RALGAPA1: variants seen among roughly 807,000 people sequenced by gnomAD.
RALGAPA1 encodes ral GTPase-activating protein subunit alpha-1.
In RALGAPA1, 52 loss-of-function variants were observed where a neutral mutation model predicts 269.6. That is an observed-to-expected ratio of 0.19 (90% CI 0.15 to 0.24). The LOEUF is 0.24. Ranked by LOEUF, RALGAPA1 falls within the 10% of genes least tolerant of loss-of-function variation. The pLI is 1.00. For synonymous variants in RALGAPA1, 817 were observed against 1,008.3 expected (o/e 0.81, Z 3.60); for missense variants, 1,917 against 3,013.9 (o/e 0.64, Z 8.52).
chr14:35,665,602 C>T (rs903798068), intron 26 of RALGAPA1, among the ~76,000 whole-genome samples: 15 of 152,182 alleles, frequency 9.9e-5, no homozygotes, highest in African/African-American at 3.6e-4. Flanking sequence ...TGGTGTAATA[C>T]TCTATTATAT....
In RALGAPA1 at chr14:35,808,887, C is replaced by G; in HGVS notation, c.-52G>C. 1 of 1,576,276 alleles carries G rather than the reference C, an allele frequency of 6.3e-7. No individual in the cohort carries two copies. Among genetic ancestry groups the G allele is most frequent in the Non-Finnish European group, 8.6e-7 (1 of 1,161,488 alleles). ...TGCCACAGCCGGCTCCCAGCCGGGT[C>G]CCGGCGGCAGAAAGTGGAGGGAGTG... On this transcript the variant is annotated 5_prime_UTR_variant, in exon 1 of 42. Coordinates refer to ENST00000680220, the MANE Select transcript of RALGAPA1 (RefSeq NM_001346249.2).
intron 35 of RALGAPA1, among the ~76,000 whole-genome samples, chr14:35,614,585 T>C (rs950800700): frequency 6.6e-6 from 1 of 152,106 alleles, no homozygotes; most frequent in African/African-American, 2.4e-5. Flanking sequence ...GGGTAATGGA[T>C]ACCAGGTTTC....
At chr14:35,764,435 T>C (rs1284842129) in intron 4 of RALGAPA1, among the ~76,000 whole-genome samples, 1 of 152,216 alleles carries the variant, frequency 6.6e-6, no homozygotes, top group African/African-American at 2.4e-5. Context: ...TTACTAATTC[T>C]GTGTCTATTT....
At chr14:35,556,164 TA>T (rs1486781040) in intron 39 of RALGAPA1, among the ~76,000 whole-genome samples, 1 of 152,022 alleles carries the variant, frequency 6.6e-6, no homozygotes, top group Non-Finnish European at 1.5e-5. Flanking sequence ...GAATGAAAAA[TA>T]AGAATTTTAT....
In RALGAPA1 at chr14:35,570,719, T is replaced by C. The variant is rs1441624230; in HGVS notation, c.7394A>G (p.Asp2465Gly). The change falls in exon 39 of 42, where the codon GAT (aspartate) becomes GGT (glycine). Residue 2465 changes from aspartate to glycine, a missense_variant. By Grantham distance (94) the Asp-to-Gly change is moderately conservative. Coordinates refer to ENST00000680220, the MANE Select transcript of RALGAPA1 (RefSeq NM_001346249.2). ...PEVPFFGPLF[D>G]GAIVNGKVLP... Reference sequence around the variant, plus strand: ...AACCTTTCCATTCACAATAGCACCATCAAAAAGGGGACCAAAGAAGGGAAC... The same window carrying C: ...AACCTTTCCATTCACAATAGCACCACCAAAAAGGGGACCAAAGAAGGGAAC... 6.2e-7 allele frequency: 1 copy of C among 1,601,060 alleles called. No individual in the cohort carries two copies. The highest frequency in any genetic ancestry group is 1.1e-5 in the South Asian group (1 of 88,226).
chr14:35,629,656 C>T (rs1409460031), intron 33 of RALGAPA1, among the ~76,000 whole-genome samples: 6 of 152,040 alleles, frequency 3.9e-5, no homozygotes, highest in South Asian at 4.2e-4. Context: ...AGGCGCGCAC[C>T]GCCACGCCCA....
At chr14:35,702,744 T>A (rs1488654289) in intron 16 of RALGAPA1, among the ~76,000 whole-genome samples, 1 of 136,722 alleles carries the variant, frequency 7.3e-6, no homozygotes. Context: ...TATATATACA[T>A]TTTTTTTTTT....
intron 8 of RALGAPA1, 89 bp downstream of exon 8, chr14:35,751,935 G>A: frequency 6.7e-7 from 1 of 1,494,324 alleles, no homozygotes; most frequent in Non-Finnish European, 8.9e-7. Flanking sequence ...AATATGATCA[G>A]TTTCCTGCAG....
At chr14:35,650,947 T>G (rs973000764) in intron 31 of RALGAPA1, among the ~76,000 whole-genome samples, 4 of 151,766 alleles carry the variant, frequency 2.6e-5, no homozygotes, top group Non-Finnish European at 4.4e-5. Flanking sequence ...AACGAGGAAT[T>G]ACATTTTTCA....
intron 16 of RALGAPA1, among the ~76,000 whole-genome samples, chr14:35,702,707 C>T (rs768727005): frequency 9.0e-5 from 11 of 121,622 alleles, no homozygotes; most frequent in African/African-American, 1.8e-4. Context: ...GTTGTAATCA[C>T]CTTTAATTAA....
chr14:35,801,244 G>GACACACACAC (rs201700521), intron 1 of RALGAPA1, among the ~76,000 whole-genome samples: 292 of 135,094 alleles, frequency 2.2e-3, no homozygotes, highest in East Asian at 9.5e-3. Context: ...TATATACACA[G>GACACACACAC]ACACACACAC....
intron 1 of RALGAPA1, among the ~76,000 whole-genome samples, chr14:35,776,374 T>C (rs2075023929): frequency 6.7e-6 from 1 of 148,210 alleles, no homozygotes; most frequent in African/African-American, 2.5e-5. Context: ...AGAGTGAGAC[T>C]CCACCTTGGG....
chr14:35,744,408 T>C (rs938811841), intron 10 of RALGAPA1, among the ~76,000 whole-genome samples: 25 of 151,618 alleles, frequency 1.6e-4, no homozygotes, highest in African/African-American at 6.1e-4. Context: ...TTTTACTTTT[T>C]ATTTTTTTAT....
intron 1 of RALGAPA1, among the ~76,000 whole-genome samples, chr14:35,791,949 T>G (rs1003207088): frequency 6.9e-6 from 1 of 144,212 alleles, no homozygotes; most frequent in Non-Finnish European, 1.5e-5. Context: ...TTTGCAACAC[T>G]GTCACCTAAA....
chr14:35,791,904 CAAAAAA>C (rs773722682), intron 1 of RALGAPA1, among the ~76,000 whole-genome samples: 6 of 11,774 alleles, frequency 5.1e-4, no homozygotes, highest in Non-Finnish European at 1.2e-3. Context: ...GACTCTGTCT[CAAAAAA>C]AAAAAAAAAA....
intron 10 of RALGAPA1, among the ~76,000 whole-genome samples, chr14:35,743,521 A>AT (rs1424092447): frequency 1.3e-5 from 2 of 152,046 alleles, no homozygotes. Flanking sequence ...TGGTTTTTAA[A>AT]TTTTTTATTA....
chr14:35,750,332 T>C, intron 9 of RALGAPA1, 150 bp downstream of exon 9: 1 of 479,084 alleles, frequency 2.1e-6, no homozygotes, highest in South Asian at 4.3e-5. Context: ...ATTAATTCTA[T>C]AATTAAAATT....
intron 31 of RALGAPA1, among the ~76,000 whole-genome samples, chr14:35,638,551 G>A (rs1298312222): frequency 6.6e-6 from 1 of 152,034 alleles, no homozygotes; most frequent in East Asian, 1.9e-4. Context: ...AAACAGGAAG[G>A]AAGGAAAGAA....
chr14:35,750,231 A>T (rs192299067), intron 9 of RALGAPA1, among the ~76,000 whole-genome samples: 742 of 152,300 alleles, frequency 4.9e-3, no homozygotes, highest in African/African-American at 0.016. Context: ...TTAGTATTGT[A>T]TAATTAAAAT....
Sources: gnomAD v4.1 joint callset for allele counts (sites outside exome capture counted in the v4.1 genomes callset) on GRCh38, gnomAD v4.1.1 for gene constraint, MANE v1.5 for transcripts, NCBI Gene and HGNC (gene_info 2026-07-23, HGNC 2026-07-21) for gene names.